SRGAP2C: variants seen among roughly 807,000 people sequenced by gnomAD.
The protein encoded by SRGAP2C is SLIT-ROBO Rho GTPase activating protein 2C.
Under a neutral mutation model 25.1 loss-of-function variants are expected in SRGAP2C, and 15 were observed. The observed-to-expected ratio is 0.60, with a 90% CI of 0.40 to 0.92. SRGAP2C has a LOEUF of 0.92. Ranked by LOEUF, SRGAP2C falls within the 40% of genes least tolerant of loss-of-function variation. The pLI is 0.00. For synonymous variants in SRGAP2C, 44 were observed against 96.6 expected (o/e 0.46, Z 3.19); for missense variants, 144 against 264.4 (o/e 0.54, Z 3.16).
At chr1:121,217,774 A>G (rs1553324981) in intron 2 of SRGAP2C, among the ~76,000 whole-genome samples, 1 of 152,248 alleles carries the variant, frequency 6.6e-6, no homozygotes, top group African/African-American at 2.4e-5. Flanking sequence ...GTTATGTGGT[A>G]TAGAAGTCCA....
At chr1:121,191,438 T>C (rs1352899525) in intron 2 of SRGAP2C, among the ~76,000 whole-genome samples, 2 of 151,778 alleles carry the variant, frequency 1.3e-5, no homozygotes, top group Non-Finnish European at 2.9e-5. Flanking sequence ...TTTTTTTTTT[T>C]CTTGAATATT....
intron 2 of SRGAP2C, among the ~76,000 whole-genome samples, chr1:121,263,449 A>AC (rs1656682374): frequency 6.6e-6 from 1 of 150,542 alleles, no homozygotes; most frequent in African/African-American, 2.4e-5. Context: ...AAAAAAAAAA[A>AC]ACTTCAGTGC....
chr1:121,287,819 A>G (rs1217882150), intron 3 of SRGAP2C, among the ~76,000 whole-genome samples: 10 of 151,508 alleles, frequency 6.6e-5, no homozygotes, highest in Non-Finnish European at 1.5e-4. Flanking sequence ...TCAGGAGTGA[A>G]GCTGCAGACC....
intron 4 of SRGAP2C, among the ~76,000 whole-genome samples, chr1:121,346,823 G>T (rs1658756774): frequency 1.3e-5 from 2 of 151,590 alleles, no homozygotes; most frequent in South Asian, 4.2e-4. Context: ...GGTCATGACA[G>T]TTGGATCTGT....
chr1:121,268,436 G>T (rs1214923828), intron 2 of SRGAP2C, among the ~76,000 whole-genome samples: 1 of 151,800 alleles, frequency 6.6e-6, no homozygotes, highest in Non-Finnish European at 1.5e-5. Context: ...TTTCTCCACT[G>T]GGAAGCCATT....
At chr1:121,300,030 T>G (rs1366807840) in intron 3 of SRGAP2C, among the ~76,000 whole-genome samples, 1 of 131,354 alleles carries the variant, frequency 7.6e-6, no homozygotes, top group Admixed American at 7.8e-5. Context: ...TTCTCCTCTC[T>G]CACTCCTTTT....
intron 4 of SRGAP2C, among the ~76,000 whole-genome samples, chr1:121,335,579 A>T (rs1298872921): frequency 6.9e-6 from 1 of 145,980 alleles, no homozygotes; most frequent in Non-Finnish European, 1.5e-5. Context: ...CTCCCACCTC[A>T]GCTTCTCATG....
chr1:121,255,092 GT>G (rs1314165654), intron 2 of SRGAP2C, among the ~76,000 whole-genome samples: 1 of 151,750 alleles, frequency 6.6e-6, no homozygotes, highest in Non-Finnish European at 1.5e-5. Flanking sequence ...CTCTTGGTGA[GT>G]TGCTGGCAGA....
chr1:121,239,811 T>C (rs1291475952), intron 2 of SRGAP2C, among the ~76,000 whole-genome samples: 1 of 152,272 alleles, frequency 6.6e-6, no homozygotes, highest in African/African-American at 2.4e-5. Flanking sequence ...AGAGAACATA[T>C]GGCCCAGAAG....
intron 2 of SRGAP2C, among the ~76,000 whole-genome samples, chr1:121,235,669 G>A (rs587601817): frequency 1.7e-5 from 1 of 59,238 alleles, no homozygotes; most frequent in Non-Finnish European, 2.9e-5. Flanking sequence ...TAAAATATAC[G>A]GGAAAGAAAT....
intron 2 of SRGAP2C, among the ~76,000 whole-genome samples, chr1:121,240,609 ATCAG>A (rs1265263478): frequency 6.2e-5 from 6 of 97,344 alleles, no homozygotes; most frequent in Admixed American, 3.2e-4. Flanking sequence ...GACAGTTTGC[ATCAG>A]TCAGTCAGTC....
At chr1:121,378,898 G>A (rs1221226501) in intron 7 of SRGAP2C, among the ~76,000 whole-genome samples, 2 of 152,198 alleles carry the variant, frequency 1.3e-5, no homozygotes, top group African/African-American at 2.4e-5. Flanking sequence ...TCCACGTGAG[G>A]CATCTGCCAC....
At chr1:121,226,152 A>G (rs1655662041) in intron 2 of SRGAP2C, among the ~76,000 whole-genome samples, 1 of 148,064 alleles carries the variant, frequency 6.8e-6, no homozygotes, top group Admixed American at 6.8e-5. Context: ...CTAAATGGGA[A>G]AAAAAATTTG....
intron 3 of SRGAP2C, among the ~76,000 whole-genome samples, chr1:121,286,598 A>T (rs1327733748): frequency 2.0e-5 from 3 of 152,176 alleles, no homozygotes; most frequent in African/African-American, 7.2e-5. Context: ...TCTCAGTGTC[A>T]GCATCATCTG....
At chr1:121,284,101 G>T (rs1657308837) in intron 2 of SRGAP2C, among the ~76,000 whole-genome samples, 1 of 151,968 alleles carries the variant, frequency 6.6e-6, no homozygotes, top group African/African-American at 2.4e-5. Flanking sequence ...CTTAAAAAAT[G>T]ATTTTCATTC....
At chr1:121,288,699 A>G in intron 3 of SRGAP2C, among the ~76,000 whole-genome samples, 1 of 52,514 alleles carries the variant, frequency 1.9e-5, no homozygotes. Context: ...TGTATTTACA[A>G]TCTCTGAGCT....
intron 4 of SRGAP2C, among the ~76,000 whole-genome samples, chr1:121,348,497 C>T (rs1658810456): frequency 6.6e-6 from 1 of 152,024 alleles, no homozygotes; most frequent in African/African-American, 2.4e-5. Context: ...TATAGTTCTG[C>T]TTGTATGATT....
At chr1:121,230,886 G>A (rs1570723043) in intron 2 of SRGAP2C, among the ~76,000 whole-genome samples, 1 of 150,960 alleles carries the variant, frequency 6.6e-6, no homozygotes, top group Non-Finnish European at 1.5e-5. Flanking sequence ...TCCTTTGCAG[G>A]GACATGGATG....
intron 4 of SRGAP2C, among the ~76,000 whole-genome samples, chr1:121,332,599 A>C (rs1658455910): frequency 6.6e-6 from 1 of 151,598 alleles, no homozygotes; most frequent in Non-Finnish European, 1.5e-5. Flanking sequence ...ATCAGTCACA[A>C]GAGAATTGCC....
Sources: gnomAD v4.1 joint callset for allele counts (sites outside exome capture counted in the v4.1 genomes callset) on GRCh38, gnomAD v4.1.1 for gene constraint, MANE v1.5 for transcripts, NCBI Gene and HGNC (gene_info 2026-07-23, HGNC 2026-07-21) for gene names.